The following TAFA1 variants were observed in gnomAD, a reference collection of about 807,000 sequenced individuals.
TAFA1 encodes the protein chemokine-like protein TAFA-1.
TAFA1 carries 4 observed loss-of-function variants against 18.5 expected under a neutral mutation model. That is an observed-to-expected ratio of 0.22 (90% confidence interval 0.11 to 0.49). The LOEUF (loss-of-function observed/expected upper bound fraction) is 0.49, where lower values mean the gene tolerates loss of function less well. Ranked by LOEUF, TAFA1 falls within the 20% of genes least tolerant of loss-of-function variation. TAFA1 has a pLI of 0.98. For synonymous variants in TAFA1, 56 were observed against 55.2 expected (o/e 1.01, Z -0.06); for missense variants, 147 against 169.0 (o/e 0.87, Z 0.72).
intron 2 of TAFA1, among the ~76,000 whole-genome samples, chr3:68,108,480 A>G (rs762570862): frequency 1.9e-4 from 29 of 151,370 alleles, no homozygotes; most frequent in South Asian, 8.4e-4. Flanking sequence ...GTGTGTGTAT[A>G]AAGTAGTGAA....
At chr3:68,235,929 A>G (rs1458141629) in intron 2 of TAFA1, among the ~76,000 whole-genome samples, 1 of 152,122 alleles carries the variant, frequency 6.6e-6, no homozygotes, top group African/African-American at 2.4e-5. Context: ...TACGTGGCCA[A>G]CTCTGAAATG....
At chr3:68,266,795 G>A (rs758967216) in intron 2 of TAFA1, among the ~76,000 whole-genome samples, 11 of 152,128 alleles carry the variant, frequency 7.2e-5, no homozygotes, top group Non-Finnish European at 1.3e-4. Context: ...TGTCTTCTGT[G>A]TTCCACCTCT....
At chr3:68,334,564 C>A in intron 2 of TAFA1, among the ~76,000 whole-genome samples, 1 of 152,242 alleles carries the variant, frequency 6.6e-6, no homozygotes, top group Admixed American at 6.5e-5. Context: ...TGTTAATATG[C>A]AGCCTCTGAC....
At chr3:68,287,310 T>C (rs1164723057) in intron 2 of TAFA1, among the ~76,000 whole-genome samples, 2 of 152,198 alleles carry the variant, frequency 1.3e-5, no homozygotes, top group Admixed American at 6.5e-5. Flanking sequence ...TCTTTGCCCT[T>C]CGTTCATCTC....
At chr3:68,118,128 T>C (rs749923571) in intron 2 of TAFA1, among the ~76,000 whole-genome samples, 1 of 152,210 alleles carries the variant, frequency 6.6e-6, no homozygotes, top group Non-Finnish European at 1.5e-5. Flanking sequence ...TAATATATAA[T>C]GAAATAATTA....
intron 2 of TAFA1, among the ~76,000 whole-genome samples, chr3:68,370,367 C>CACACAT (rs1476667375): frequency 6.9e-4 from 39 of 56,672 alleles, no homozygotes; most frequent in East Asian, 5.0e-3. Context: ...CACACACACA[C>CACACAT]ATATATATAT....
chr3:68,512,951 AT>A (rs1173489642), intron 3 of TAFA1, among the ~76,000 whole-genome samples: 1 of 152,048 alleles, frequency 6.6e-6, no homozygotes, highest in Middle Eastern at 3.2e-3. Context: ...CTCTCAGGCA[AT>A]TTCAACAACC....
At position 68,443,497 on chromosome 3, in the gene TAFA1, CA is replaced by C. The variant is rs1229988998; in HGVS notation, c.259+26086del. Among the ~76,000 whole-genome samples, 373 of 122,878 alleles carry C rather than the reference CA, an allele frequency of 3.0e-3. 1 individual carries two copies. The highest frequency in any genetic ancestry group is 0.011 in the African/African-American group (351 of 32,918). 80.6% of individuals were successfully genotyped at this position (122,878 alleles called of 152,430 possible). On this transcript the variant is annotated intron_variant, in intron 3 of 4. Transcript: ENST00000478136. ...ACAAAAAAAAAAAAAAAAAAAAAAA[CA>C]AAAAAAAAGAGGTTTGTTGGACTTA...
intron 2 of TAFA1, among the ~76,000 whole-genome samples, chr3:68,370,286 CAAAAAAAAAAAAAAA>C (rs71618234): frequency 1.2e-3 from 13 of 10,844 alleles, no homozygotes; most frequent in South Asian, 9.1e-3. Flanking sequence ...GACCCCATCT[CAAAAAAAAAAAAAAA>C]AAAAAAAAAA....
chr3:68,058,704 A>G (rs573862110), intron 2 of TAFA1, among the ~76,000 whole-genome samples: 5 of 152,348 alleles, frequency 3.3e-5, no homozygotes, highest in Admixed American at 2.6e-4. Context: ...TGTCTCTCAG[A>G]AAACAACTGG....
At chr3:68,427,907 T>G (rs2071088733) in intron 3 of TAFA1, among the ~76,000 whole-genome samples, 1 of 151,956 alleles carries the variant, frequency 6.6e-6, no homozygotes. Flanking sequence ...GCTGCCACCA[T>G]GTAATTTGTG....
chr3:68,223,521 C>A (rs573926506), intron 2 of TAFA1, among the ~76,000 whole-genome samples: 10 of 120,530 alleles, frequency 8.3e-5, no homozygotes, highest in African/African-American at 3.0e-4. Flanking sequence ...TGTACATAAG[C>A]CTGTTAGGAC....
chr3:68,314,172 AGGAGGAAACTAC>A (rs2068567674), intron 2 of TAFA1, among the ~76,000 whole-genome samples: 1 of 152,164 alleles, frequency 6.6e-6, no homozygotes, highest in African/African-American at 2.4e-5. Context: ...AAAAATCTTT[AGGAGGAAACTAC>A]CCTTTGTATT....
At chr3:68,151,523 G>T (rs2065805903) in intron 2 of TAFA1, among the ~76,000 whole-genome samples, 1 of 152,108 alleles carries the variant, frequency 6.6e-6, no homozygotes, top group Admixed American at 6.6e-5. Context: ...CAATATCAAG[G>T]TTCCAGGCAA....
At chr3:68,531,743 T>C (rs2073191274) in intron 3 of TAFA1, among the ~76,000 whole-genome samples, 1 of 152,082 alleles carries the variant, frequency 6.6e-6, no homozygotes, top group Non-Finnish European at 1.5e-5. Flanking sequence ...CTGGCGCTGG[T>C]TGTGACCAAT....
At chr3:68,353,893 G>A (rs1341445932) in intron 2 of TAFA1, among the ~76,000 whole-genome samples, 1 of 151,988 alleles carries the variant, frequency 6.6e-6, no homozygotes, top group Non-Finnish European at 1.5e-5. Flanking sequence ...GTACAAAATG[G>A]AGTTTTTAGA....
chr3:68,266,665 A>G (rs2067552369), intron 2 of TAFA1, among the ~76,000 whole-genome samples: 1 of 152,066 alleles, frequency 6.6e-6, no homozygotes, highest in Non-Finnish European at 1.5e-5. Context: ...ATTGCAGGAG[A>G]CACATAATAA....
intron 2 of TAFA1, among the ~76,000 whole-genome samples, chr3:68,364,918 G>A (rs1270329068): frequency 6.6e-6 from 1 of 152,206 alleles, no homozygotes; most frequent in East Asian, 1.9e-4. Context: ...CAGTCAGAAA[G>A]TGGCAAGGCA....
At chr3:68,076,013 T>C (rs918923017) in intron 2 of TAFA1, among the ~76,000 whole-genome samples, 1 of 152,166 alleles carries the variant, frequency 6.6e-6, no homozygotes, top group African/African-American at 2.4e-5. Flanking sequence ...CTATCTTTCA[T>C]AGGAAAAAGA....
Sources: gnomAD v4.1 joint callset for allele counts (sites outside exome capture counted in the v4.1 genomes callset) on GRCh38, gnomAD v4.1.1 for gene constraint, MANE v1.5 for transcripts, NCBI Gene and HGNC (gene_info 2026-07-23, HGNC 2026-07-21) for gene names.